DPP6: variants seen among roughly 807,000 people sequenced by gnomAD.
The protein encoded by DPP6 is A-type potassium channel modulatory protein DPP6.
Under a neutral mutation model 122.6 loss-of-function variants are expected in DPP6, and 69 were observed. That is an observed-to-expected ratio of 0.56 (90% CI 0.46 to 0.69). The LOEUF (loss-of-function observed/expected upper bound fraction) is 0.69. Among genes scored for constraint, DPP6 ranks in the 30% least tolerant of loss-of-function variants. DPP6 has a pLI of 0.00. For missense variants in DPP6, 928 were observed against 1,116.9 expected, an observed-to-expected ratio of 0.83 and a Z score of 2.41; for synonymous variants, 418 against 433.1, an observed-to-expected ratio of 0.97 and a Z score of 0.43.
intron 5 of DPP6, among the ~76,000 whole-genome samples, chr7:154,586,123 C>A (rs1385671706): frequency 6.6e-6 from 1 of 151,892 alleles, no homozygotes; most frequent in Non-Finnish European, 1.5e-5. Flanking sequence ...TGGAGTTGAC[C>A]CTCGTTGCCA....
chr7:154,575,223 TGGTGTGTGTGTG>T (rs1586662194), intron 5 of DPP6, among the ~76,000 whole-genome samples: 4 of 115,032 alleles, frequency 3.5e-5, no homozygotes, highest in South Asian at 3.1e-4. Context: ...GTGTGTGGTG[TGGTGTGTGTGTG>T]GTGTTTGTGT....
chr7:154,305,568 G>A (rs755482278), intron 1 of DPP6: 1 of 1,590,922 alleles, frequency 6.3e-7, no homozygotes, highest in Non-Finnish European at 8.6e-7. Context: ...CTGCTTTTGG[G>A]GGTCCGTGTG....
chr7:154,727,360 TA>T, intron 7 of DPP6, among the ~76,000 whole-genome samples: 1 of 152,310 alleles, frequency 6.6e-6, no homozygotes, highest in Non-Finnish European at 1.5e-5. Flanking sequence ...ACTCCCTCAC[TA>T]TCATGAGAAC....
intron 1 of DPP6, among the ~76,000 whole-genome samples, chr7:154,204,871 CATAAT>C (rs1441744698): frequency 8.6e-5 from 13 of 152,012 alleles, no homozygotes; most frequent in African/African-American, 1.4e-4. Context: ...CTCCGGAACT[CATAAT>C]ATATACAGTT....
At chr7:154,521,669 C>A (rs1438875710) in intron 3 of DPP6, among the ~76,000 whole-genome samples, 1 of 152,168 alleles carries the variant, frequency 6.6e-6, no homozygotes, top group African/African-American at 2.4e-5. Context: ...AAATAATTTC[C>A]AAGCTGTGAT....
chr7:154,093,531 CCA>C (rs1805044656), intron 1 of DPP6, among the ~76,000 whole-genome samples: 1 of 134,580 alleles, frequency 7.4e-6, no homozygotes, highest in African/African-American at 2.8e-5. Flanking sequence ...CCATACATAC[CCA>C]CACACACAAA....
At chr7:153,874,933 G>A in the DPP6 span, among the ~76,000 whole-genome samples, 1 of 152,142 alleles carries the variant, frequency 6.6e-6, no homozygotes, top group East Asian at 1.9e-4. Flanking sequence ...TGCAGAAGGA[G>A]AAGACGGAGA....
At chr7:154,026,564 G>T (rs1798964549) in intron 1 of DPP6, 2 of 152,162 alleles carry the variant, frequency 1.3e-5, no homozygotes, top group African/African-American at 4.8e-5. Flanking sequence ...CATTAAGCTG[G>T]AATGAAGGTC....
intron 7 of DPP6, among the ~76,000 whole-genome samples, chr7:154,696,185 C>T (rs1399085026): frequency 1.3e-5 from 2 of 152,236 alleles, no homozygotes; most frequent in Non-Finnish European, 2.9e-5. Flanking sequence ...TGAGCGGAAG[C>T]TTCCGTTCTG....
chr7:154,396,377 TACACGTGTGG>T (rs958302971), intron 1 of DPP6, among the ~76,000 whole-genome samples: 14 of 152,280 alleles, frequency 9.2e-5, no homozygotes, highest in African/African-American at 3.4e-4. Context: ...AGAGCTGTGC[TACACGTGTGG>T]ACAGGACCCT....
intron 7 of DPP6, among the ~76,000 whole-genome samples, chr7:154,680,696 A>T (rs879779296): frequency 0.027 from 1,316 of 49,142 alleles, 11 homozygotes; most frequent in Middle Eastern, 0.058. Flanking sequence ...ATTTTTTTTA[A>T]AAAAAAATTA....
chr7:154,175,783 G>A (rs969650100), intron 1 of DPP6, among the ~76,000 whole-genome samples: 61 of 145,666 alleles, frequency 4.2e-4, no homozygotes, highest in Non-Finnish European at 7.6e-4. Flanking sequence ...GCAGTGGCAC[G>A]ATCTCGGCTC....
At chr7:154,794,750 A>C (rs1378250914) in intron 11 of DPP6, among the ~76,000 whole-genome samples, 2 of 17,264 alleles carry the variant, frequency 1.2e-4, no homozygotes, top group African/African-American at 4.3e-4. Context: ...AATGAAGTGT[A>C]AGAGAGGTTG....
intron 10 of DPP6, among the ~76,000 whole-genome samples, chr7:154,774,290 G>T (rs1796434935): frequency 6.6e-6 from 1 of 151,982 alleles, no homozygotes; most frequent in Non-Finnish European, 1.5e-5. Flanking sequence ...AAAAAAAAAA[G>T]TTCAGATGAT....
At chr7:153,883,992 T>C (rs1489518837), upstream of DPP6, among the ~76,000 whole-genome samples, 1 of 152,210 alleles carries the variant, frequency 6.6e-6, no homozygotes, top group East Asian at 1.9e-4. Context: ...TGTTTCTTTT[T>C]TTGGGGGAAT....
At chr7:154,849,940 GT>G (rs1397202329) in intron 16 of DPP6, among the ~76,000 whole-genome samples, 9 of 152,160 alleles carry the variant, frequency 5.9e-5, no homozygotes, top group Admixed American at 2.0e-4. Flanking sequence ...CCTTCATTTT[GT>G]TAATATGGTG....
At chr7:153,970,179 T>C (rs1334054231) in intron 1 of DPP6, among the ~76,000 whole-genome samples, 3 of 152,206 alleles carry the variant, frequency 2.0e-5, no homozygotes, top group African/African-American at 7.2e-5. Flanking sequence ...TTTTATTCTT[T>C]TAGCAAAATA....
chr7:154,678,150 G>A (rs1053796557), intron 7 of DPP6, among the ~76,000 whole-genome samples: 2 of 152,202 alleles, frequency 1.3e-5, no homozygotes, highest in African/African-American at 4.8e-5. Flanking sequence ...CTGTAAAAAC[G>A]GACCAATCAG....
chr7:154,889,827 G>A, intron 25 of DPP6: 2 of 417,998 alleles, frequency 4.8e-6, no homozygotes, highest in East Asian at 4.9e-5. Flanking sequence ...AACCAAGCCA[G>A]CACCCACCCT....
Sources: allele counts gnomAD v4.1 joint callset (sites outside exome capture counted in the v4.1 genomes callset), GRCh38; gene constraint gnomAD v4.1.1; transcripts MANE v1.5; gene names NCBI Gene and HGNC (gene_info 2026-07-23, HGNC 2026-07-21).